The following MBNL1 variants were observed in gnomAD, a reference collection of about 807,000 sequenced individuals.
The protein encoded by MBNL1 is muscleblind like splicing regulator 1.
In MBNL1, 8 loss-of-function variants were observed where a neutral mutation model predicts 42.2. The ratio of observed to expected loss-of-function variants is 0.19; its 90% CI spans 0.11 to 0.34. MBNL1 has a LOEUF of 0.34. Ranked by LOEUF, MBNL1 falls within the 10% of genes least tolerant of loss-of-function variation. MBNL1 has a pLI of 1.00. For synonymous variants in MBNL1, 169 were observed against 173.9 expected (o/e 0.97, Z 0.22); for missense variants, 309 against 495.3 (o/e 0.62, Z 3.57).
rs990922916 is a variant in MBNL1 at position 152,463,510 on chromosome 3, A to G, written c.*1144A>G. ...CACATTCAAAATAGTGACTCTAAAC[A>G]AAGAAGAAAGCAGCACTGTCATCAG... On this transcript the variant is annotated 3_prime_UTR_variant, in exon 10 of 10. Transcript: ENST00000324210. 1.3e-5 allele frequency: 2 copies of G among 152,532 alleles called. No individual in the cohort carries two copies. Among genetic ancestry groups the G allele is most frequent in the African/African-American group, 4.8e-5 (2 of 41,442 alleles). 9.4% of individuals were successfully genotyped at this position (152,532 alleles called of 1,614,324 possible).
chr3:152,460,087 T>G (rs938355429), intron 9 of MBNL1, among the ~76,000 whole-genome samples: 2 of 151,706 alleles, frequency 1.3e-5, no homozygotes, highest in African/African-American at 2.4e-5. Context: ...AACCCTGTCC[T>G]ACAAAAAATA....
At chr3:152,291,706 C>G (rs1336249716) in intron 1 of MBNL1, among the ~76,000 whole-genome samples, 1 of 152,174 alleles carries the variant, frequency 6.6e-6, no homozygotes, top group Admixed American at 6.5e-5. Context: ...AAATGATAAG[C>G]AGATAGCGAG....
chr3:152,317,579 G>A lies in MBNL1; in HGVS notation c.174+17212G>A, dbSNP rs150754840. Among the ~76,000 whole-genome samples the A allele has an allele frequency of 3.9e-3, 595 of 152,042 alleles. 1 individual carries two copies. Among genetic ancestry groups the A allele is most frequent in the African/African-American group, 0.014 (562 of 41,484 alleles). ...AAGCGATCCACCCACCTTGGCCTCT[G>A]AAAGTGTTGGGATTACAGGCGTGAG... On this transcript the variant is annotated intron_variant, in intron 2 of 9. Transcript: ENST00000324210.
At chr3:152,350,859 A>G (rs892118093) in intron 2 of MBNL1, among the ~76,000 whole-genome samples, 3 of 152,144 alleles carry the variant, frequency 2.0e-5, no homozygotes, top group African/African-American at 7.2e-5. Flanking sequence ...ATCTCGATAG[A>G]ATTTCATGAG....
chr3:152,430,620 T>C (rs977880879), intron 3 of MBNL1, among the ~76,000 whole-genome samples: 5 of 151,782 alleles, frequency 3.3e-5, no homozygotes, highest in Non-Finnish European at 1.5e-5. Flanking sequence ...TATCCTTGAA[T>C]AGAAATCCAA....
chr3:152,456,417 A>C, intron 8 of MBNL1, 56 bp downstream of exon 8: 2 of 1,389,392 alleles, frequency 1.4e-6, no homozygotes, highest in East Asian at 2.3e-5. Context: ...GGCTCAATCC[A>C]ACAGCCCTTA....
In MBNL1 at chr3:152,447,676, C is replaced by G. The variant is rs201837258; in HGVS notation, c.864C>G (p.Thr288=). ...CAAAGAGGCCTGCTCTTGAAAAAAC[C>G]AACGGTGCCACCGCAGTCTTTAACA... is the stretch of plus-strand genomic sequence containing the variant. The part of the protein sequence containing the change: ...PLPKRPALEK[T]NGATAVFNTG... Residue 288 remains threonine (T), a synonymous_variant, in exon 6 of 10, where the codon ACC becomes ACG. Transcript: ENST00000324210. 95 of 1,613,522 alleles carry G rather than the reference C, an allele frequency of 5.9e-5. 1 individual carries two copies. Among genetic ancestry groups the G allele is most frequent in the Non-Finnish European group, 1.3e-5 (15 of 1,179,734 alleles).
At chr3:152,322,149 C>G (rs2152424181) in intron 2 of MBNL1, among the ~76,000 whole-genome samples, 1 of 152,136 alleles carries the variant, frequency 6.6e-6, no homozygotes, top group African/African-American at 2.4e-5. Context: ...CTAATATAGA[C>G]CATTGCTGTT....
intron 4 of MBNL1, among the ~76,000 whole-genome samples, chr3:152,437,544 C>T (rs1318335678): frequency 1.3e-5 from 2 of 152,112 alleles, no homozygotes; most frequent in African/African-American, 4.8e-5. Flanking sequence ...AAGGTCACTT[C>T]CAGTTAGAAC....
At chr3:152,316,949 T>C (rs1463391756) in intron 2 of MBNL1, among the ~76,000 whole-genome samples, 1 of 152,150 alleles carries the variant, frequency 6.6e-6, no homozygotes, top group African/African-American at 2.4e-5. Flanking sequence ...AATAACCTTC[T>C]CACCTGCTTA....
At chr3:152,301,246 A>T (rs2060605946) in intron 2 of MBNL1, among the ~76,000 whole-genome samples, 1 of 152,338 alleles carries the variant, frequency 6.6e-6, no homozygotes, top group East Asian at 1.9e-4. Flanking sequence ...AAGATAACAT[A>T]AATATCTTTA....
Position 152,414,271 on chromosome 3 carries a change from A to G in MBNL1, c.175-670A>G, listed in dbSNP as rs531225880. On this transcript the variant is annotated intron_variant, in intron 2 of 9. Coordinates refer to ENST00000324210, the MANE Select transcript of MBNL1 (RefSeq NM_021038.5). Reference sequence around the variant, plus strand: ...ATATCCATTTCTTATTGTTTCATAGATTTTGTAAAATGGAGAAGACTAGAT... The same window carrying G: ...ATATCCATTTCTTATTGTTTCATAGGTTTTGTAAAATGGAGAAGACTAGAT... 5.3e-5 allele frequency among the ~76,000 whole-genome samples: 8 copies of G among 152,290 alleles called. No homozygotes were observed. In the South Asian group the frequency reaches 1.7e-3, roughly 32 times the overall value.
chr3:152,401,501 A>G (rs2153552656), intron 2 of MBNL1, among the ~76,000 whole-genome samples: 1 of 152,264 alleles, frequency 6.6e-6, no homozygotes, highest in Admixed American at 6.5e-5. Context: ...CTTTGGCCTG[A>G]GGAAAGCTTT....
intron 2 of MBNL1, among the ~76,000 whole-genome samples, chr3:152,361,127 G>A (rs1311752109): frequency 5.9e-5 from 9 of 152,012 alleles, no homozygotes; most frequent in Non-Finnish European, 1.3e-4. Context: ...ATCTATGAAA[G>A]TGTCATCACT....
intron 2 of MBNL1, among the ~76,000 whole-genome samples, chr3:152,342,842 G>A (rs536296321): frequency 1.3e-5 from 2 of 152,152 alleles, no homozygotes; most frequent in Non-Finnish European, 1.5e-5. Flanking sequence ...CAGTTGTATT[G>A]CATTATCATG....
rs1052575254 is a variant in MBNL1 at position 152,459,160 on chromosome 3, C to T, written c.1093-111C>T. ...ATGTTGACCAGATAAGGACTATCACCTCACAGCTGAATTTCACTTTTCTTT... is the reference window on the plus strand; with the variant it reads ...ATGTTGACCAGATAAGGACTATCACTTCACAGCTGAATTTCACTTTTCTTT... On this transcript the variant is annotated intron_variant, in intron 8 of 9. Coordinates refer to ENST00000324210, the MANE Select transcript of MBNL1 (RefSeq NM_021038.5). 1.2e-5 allele frequency: 7 copies of T among 570,186 alleles called. No homozygotes were observed. The Admixed American group carries it at 2.2e-4, about 18-fold the overall frequency. The allele number at this position is 570,186 out of a possible 1,614,324, so 35.3% of individuals were successfully genotyped here.
chr3:152,433,203 A>T lies in MBNL1; in HGVS notation c.549+283A>T, dbSNP rs150997703. On this transcript the variant is annotated intron_variant, in intron 4 of 9. Coordinates refer to ENST00000324210, the MANE Select transcript of MBNL1 (RefSeq NM_021038.5). The stretch of plus-strand genomic sequence containing the variant: ...TGTACCTCAATTTCCTCATCTTTAA[A>T]ACGGCGCTTACCTCAAAGAGTTAGG... Among the ~76,000 whole-genome samples the T allele has an allele frequency of 2.1e-4, 32 of 152,280 alleles. No individual in the cohort carries two copies. In the East Asian group the frequency reaches 4.4e-3, roughly 21 times the overall value.
intron 2 of MBNL1, among the ~76,000 whole-genome samples, chr3:152,316,870 T>A (rs2072004363): frequency 1.3e-5 from 2 of 152,064 alleles, no homozygotes; most frequent in African/African-American, 2.4e-5. Flanking sequence ...TTTCTTCTTT[T>A]ATTTATTTAT....
chr3:152,334,875 G>A (rs1282184752), intron 2 of MBNL1, among the ~76,000 whole-genome samples: 1 of 152,072 alleles, frequency 6.6e-6, no homozygotes, highest in African/African-American at 2.4e-5. Context: ...TCATCACCTC[G>A]TTTGGGGAGC....
Sources: allele counts gnomAD v4.1 joint callset (sites outside exome capture counted in the v4.1 genomes callset), GRCh38; gene constraint gnomAD v4.1.1; transcripts MANE v1.5; gene names NCBI Gene and HGNC (gene_info 2026-07-23, HGNC 2026-07-21).